Variants in TGFBR3 observed in about 807,000 individuals in gnomAD.
TGFBR3 encodes transforming growth factor beta receptor type 3.
A neutral mutation model predicts 87.9 loss-of-function variants in TGFBR3; 46 were observed. The ratio of observed to expected loss-of-function variants is 0.52; its 90% confidence interval spans 0.41 to 0.67. The LOEUF (loss-of-function observed/expected upper bound fraction) is 0.67. Ranked by LOEUF, TGFBR3 falls within the 30% of genes least tolerant of loss-of-function variation. TGFBR3 has a pLI of 0.00. For synonymous variants in TGFBR3, 381 were observed against 391.6 expected (o/e 0.97, Z 0.32); for missense variants, 866 against 1,041.9 (o/e 0.83, Z 2.32).
intron 2 of TGFBR3, among the ~76,000 whole-genome samples, chr1:91,835,827 CAAAAA>C (rs57326419): frequency 2.7e-5 from 2 of 74,746 alleles, no homozygotes; most frequent in African/African-American, 8.3e-5. Flanking sequence ...GACTCCACCT[CAAAAA>C]AAAAAAAAAA....
intron 5 of TGFBR3, among the ~76,000 whole-genome samples, chr1:91,732,228 T>C (rs776837468): frequency 1.4e-4 from 22 of 152,202 alleles, no homozygotes; most frequent in Non-Finnish European, 2.8e-4. Context: ...TCAATGTTGC[T>C]TGAAGCCTCG....
intron 2 of TGFBR3, among the ~76,000 whole-genome samples, chr1:91,798,793 A>T (rs961535703): frequency 1.6e-4 from 25 of 152,334 alleles, no homozygotes; most frequent in Non-Finnish European, 2.9e-4. Context: ...TGAGCTTAAA[A>T]AAAATTGCCC....
In TGFBR3 at chr1:91,765,555, G is replaced by T. The variant is rs575187788; in HGVS notation, c.247-6805C>A. On this transcript the variant is annotated intron_variant, in intron 3 of 16. Coordinates refer to ENST00000212355, the MANE Select transcript of TGFBR3 (RefSeq NM_003243.5). Reference sequence around the variant, plus strand: ...CAGGCTTTGTAGGACAAGCCACCCTGATCATCATCCTCTCTGTGTGTAAGA... The same window carrying T: ...CAGGCTTTGTAGGACAAGCCACCCTTATCATCATCCTCTCTGTGTGTAAGA... 1.9e-3 allele frequency among the ~76,000 whole-genome samples: 294 copies of T among 152,186 alleles called. 1 individual carries two copies. The highest frequency in any genetic ancestry group is 3.5e-3 in the Non-Finnish European group (236 of 68,008).
At chr1:91,734,119 TTTTTTG>T (rs1003401350) in intron 5 of TGFBR3, among the ~76,000 whole-genome samples, 28 of 150,028 alleles carry the variant, frequency 1.9e-4, no homozygotes, top group South Asian at 8.5e-4. Flanking sequence ...AAAGAGAAGG[TTTTTTG>T]TTTTTGTTTT....
At chr1:91,720,268 A>AT in intron 8 of TGFBR3, 38 bp from the exon 9 acceptor site, 1 of 1,535,538 alleles carries the variant, frequency 6.5e-7, no homozygotes, top group Non-Finnish European at 8.8e-7. Flanking sequence ...GCAGTGTTTG[A>AT]TGCCAGGCCA....
At chr1:91,833,900 G>C (rs566908234) in intron 2 of TGFBR3, among the ~76,000 whole-genome samples, 3 of 151,952 alleles carry the variant, frequency 2.0e-5, no homozygotes, top group Non-Finnish European at 4.4e-5. Context: ...ATTAAAGAAA[G>C]AAAGAAACAA....
At chr1:91,764,586 A>G (rs1373284296) in intron 3 of TGFBR3, among the ~76,000 whole-genome samples, 17 of 152,074 alleles carry the variant, frequency 1.1e-4, no homozygotes, top group Admixed American at 1.0e-3. Flanking sequence ...GCTGCGGAGA[A>G]GAGAGGCAGG....
chr1:91,835,827 CAAAAAAAAAA>C (rs57326419), intron 2 of TGFBR3, among the ~76,000 whole-genome samples: 3 of 74,776 alleles, frequency 4.0e-5, no homozygotes, highest in East Asian at 3.5e-4. Flanking sequence ...GACTCCACCT[CAAAAAAAAAA>C]AAAAAAAAAA....
At chr1:91,753,417 A>C (rs1673626261) in intron 4 of TGFBR3, among the ~76,000 whole-genome samples, 1 of 142,118 alleles carries the variant, frequency 7.0e-6, no homozygotes, top group East Asian at 2.1e-4. Flanking sequence ...AAAAAAAAAA[A>C]AGTGCTGCAG....
At chr1:91,894,757 C>G (rs1315112857) in intron 2 of TGFBR3, among the ~76,000 whole-genome samples, 1 of 152,172 alleles carries the variant, frequency 6.6e-6, no homozygotes, top group Non-Finnish European at 1.5e-5. Flanking sequence ...TGTCCTTGGT[C>G]CTCTTCTCTG....
At chr1:91,753,550 T>C (rs1673631813) in intron 4 of TGFBR3, among the ~76,000 whole-genome samples, 1 of 152,202 alleles carries the variant, frequency 6.6e-6, no homozygotes, top group African/African-American at 2.4e-5. Flanking sequence ...TATGTAATTA[T>C]AGAACATTTT....
chr1:91,721,730 CAAAG>C (rs11466593), intron 8 of TGFBR3, among the ~76,000 whole-genome samples: 1,921 of 152,202 alleles, frequency 0.013, 39 homozygotes, highest in African/African-American at 0.043. Context: ...TAACCTATAA[CAAAG>C]TTCTCTGAAT....
At chr1:91,841,183 C>G (rs777344246) in intron 2 of TGFBR3, among the ~76,000 whole-genome samples, 4 of 152,188 alleles carry the variant, frequency 2.6e-5, no homozygotes, top group Non-Finnish European at 5.9e-5. Context: ...GTCAGTCACT[C>G]TTTCACATCA....
At chr1:91,699,718 T>C (rs1671559373) in intron 14 of TGFBR3, among the ~76,000 whole-genome samples, 1 of 152,226 alleles carries the variant, frequency 6.6e-6, no homozygotes, top group Admixed American at 6.5e-5. Flanking sequence ...ATCGTGTGAC[T>C]AGAGCCCAAG....
intron 3 of TGFBR3, among the ~76,000 whole-genome samples, chr1:91,765,892 G>A (rs911750845): frequency 6.6e-6 from 1 of 152,084 alleles, no homozygotes; most frequent in Non-Finnish European, 1.5e-5. Context: ...TTAAAATGGA[G>A]GGAAAGTTTG....
chr1:91,835,827 CAAAAAAAA>C (rs57326419), intron 2 of TGFBR3, among the ~76,000 whole-genome samples: 839 of 74,696 alleles, frequency 0.011, 8 homozygotes, highest in Non-Finnish European at 0.018. Flanking sequence ...GACTCCACCT[CAAAAAAAA>C]AAAAAAAAAA....
intron 1 of TGFBR3, among the ~76,000 whole-genome samples, chr1:91,878,659 C>A (rs1678952326): frequency 6.6e-6 from 1 of 152,202 alleles, no homozygotes; most frequent in African/African-American, 2.4e-5. Flanking sequence ...AGCTCAAGGA[C>A]TAGTATCTGT....
chr1:91,880,678 G>T (rs1382974631), intron 1 of TGFBR3, among the ~76,000 whole-genome samples: 1 of 151,912 alleles, frequency 6.6e-6, no homozygotes, highest in Non-Finnish European at 1.5e-5. Flanking sequence ...TCACTTTTAA[G>T]TAACTGTTAA....
chr1:91,780,665 T>G (rs1230937420), intron 3 of TGFBR3, among the ~76,000 whole-genome samples: 4 of 146,644 alleles, frequency 2.7e-5, no homozygotes. Flanking sequence ...GCTCAAGCGA[T>G]TCTCCTGCCT....
Sources: gnomAD v4.1 joint callset for allele counts (sites outside exome capture counted in the v4.1 genomes callset) on GRCh38, gnomAD v4.1.1 for gene constraint, MANE v1.5 for transcripts, NCBI Gene and HGNC (gene_info 2026-07-23, HGNC 2026-07-21) for gene names.